Variants in THAP6 observed in about 807,000 individuals in gnomAD.
The protein encoded by THAP6 is THAP domain-containing protein 6.
Under a neutral mutation model 20.0 loss-of-function variants are expected in THAP6, and 13 were observed. The observed-to-expected ratio is 0.65, with a 90% CI of 0.42 to 1.03. The LOEUF is 1.03. Among genes scored for constraint, THAP6 ranks in the 50% least tolerant of loss-of-function variants. The probability of loss-of-function intolerance (pLI) is 0.00; values close to 1 mark genes in which losing one functional copy is unlikely to be tolerated. For missense variants in THAP6, 262 were observed against 261.6 expected (o/e 1.00, Z -0.01); for synonymous variants, 93 against 92.2 (o/e 1.01, Z -0.05).
Position 75,528,011 on chromosome 4 carries a change from A to G in THAP6, c.*797A>G. On this transcript the variant is annotated 3_prime_UTR_variant, in exon 5 of 5. Coordinates refer to ENST00000311638, the MANE Select transcript of THAP6 (RefSeq NM_144721.6). ...ATATGTTTAAAATCTGAATGGCAGTACTAGCTCTATACTTTTAATACTGCT... is the reference window on the plus strand; with the variant it reads ...ATATGTTTAAAATCTGAATGGCAGTGCTAGCTCTATACTTTTAATACTGCT... The G allele has an allele frequency of 1.0e-6, 1 of 985,362 alleles. No individual in the cohort carries two copies. Among genetic ancestry groups the G allele is most frequent in the Non-Finnish European group, 1.2e-6 (1 of 829,840 alleles). 61.0% of individuals were successfully genotyped at this position (985,362 alleles called of 1,614,324 possible). A position where few individuals can be genotyped will look rare whatever the true frequency, so the allele number is the denominator to read the frequency against.
In THAP6 at chr4:75,529,384, T is replaced by A. The variant is rs1457896623; in HGVS notation, c.*2170T>A. 1.0e-6 allele frequency: 1 copy of A among 985,318 alleles called. No homozygotes were observed. The highest frequency in any genetic ancestry group is 1.7e-5 in the African/African-American group (1 of 57,228). 61.0% of individuals were successfully genotyped at this position (985,318 alleles called of 1,614,324 possible). ...TTGCCACAGTCACTTTTACTACTTG[T>A]GTTCATAGTAGACTCAGCACTTCTT... On this transcript the variant is annotated 3_prime_UTR_variant, in exon 5 of 5. Coordinates refer to ENST00000311638, the MANE Select transcript of THAP6 (RefSeq NM_144721.6).
At chr4:75,530,798 C>A (rs145022528), downstream of THAP6, among the ~76,000 whole-genome samples, 6 of 152,304 alleles carry the variant, frequency 3.9e-5, no homozygotes, top group East Asian at 1.2e-3. Flanking sequence ...GATGCCACAT[C>A]ATGCATAGCA....
At chr4:75,539,605 T>C (rs570787114) in intron 2 of THAP6, among the ~76,000 whole-genome samples, 4 of 152,334 alleles carry the variant, frequency 2.6e-5, no homozygotes, top group African/African-American at 9.6e-5. Flanking sequence ...AGCACCTTCC[T>C]GGGATGTGAG....
chr4:75,546,927 G>C (rs994911249), intron 3 of THAP6, among the ~76,000 whole-genome samples: 1 of 152,178 alleles, frequency 6.6e-6, no homozygotes, highest in African/African-American at 2.4e-5. Flanking sequence ...CCAACTATCT[G>C]GGTACTAAAG....
chr4:75,541,217 G>A (rs1266498368), intron 2 of THAP6, among the ~76,000 whole-genome samples: 1 of 152,144 alleles, frequency 6.6e-6, no homozygotes, highest in Non-Finnish European at 1.5e-5. Flanking sequence ...AAAGCATAAA[G>A]TAGAAGGCAA....
At chr4:75,534,818 A>G (rs1726804504), downstream of THAP6, among the ~76,000 whole-genome samples, 1 of 152,260 alleles carries the variant, frequency 6.6e-6, no homozygotes, top group South Asian at 2.1e-4. Context: ...AATGCTCATC[A>G]TCACTGGCCA....
At chr4:75,516,639 C>T in intron 2 of THAP6, 133 bp from the exon 3 acceptor site, 1 of 739,526 alleles carries the variant, frequency 1.4e-6, no homozygotes, top group Non-Finnish European at 2.1e-6. Flanking sequence ...TTATGGTTTC[C>T]TAAATATTAT....
upstream of THAP6, chr4:75,514,379 C>T (rs962525495): frequency 7.2e-7 from 1 of 1,389,006 alleles, no homozygotes; most frequent in African/African-American, 1.4e-5. Flanking sequence ...CCCCTCCCAG[C>T]CCCAGCGGCC....
intron 3 of THAP6, 175 bp downstream of exon 3, chr4:75,517,154 AT>A: frequency 5.7e-6 from 3 of 530,752 alleles, no homozygotes; most frequent in Admixed American, 3.3e-5. Context: ...AGAAGCTGGG[AT>A]TACAGGCACC....
At chr4:75,535,809 G>T (rs1726834119) in intron 2 of THAP6, among the ~76,000 whole-genome samples, 1 of 152,134 alleles carries the variant, frequency 6.6e-6, no homozygotes, top group Non-Finnish European at 1.5e-5. Context: ...ACATGAGCTG[G>T]TATAATACCA....
chr4:75,542,138 C>A (rs1727022867), intron 2 of THAP6, among the ~76,000 whole-genome samples: 1 of 152,142 alleles, frequency 6.6e-6, no homozygotes, highest in South Asian at 2.1e-4. Context: ...GCCAGCCCAA[C>A]TATTTGAGAT....
chr4:75,540,018 A>G, intron 2 of THAP6: 1 of 1,515,434 alleles, frequency 6.6e-7, no homozygotes, highest in East Asian at 2.5e-5. Context: ...GAAGCAGGCA[A>G]GGAACATTGT....
rs546344183 is a variant in THAP6, at chr4:75,527,723, C to T, written c.*509C>T. On this transcript the variant is annotated 3_prime_UTR_variant, in exon 5 of 5. Coordinates refer to ENST00000311638, the MANE Select transcript of THAP6 (RefSeq NM_144721.6). ...TCAGTAGTACCAAAGGATCTTTTTA[C>T]AAGGCTTCCTGTGGTATTGACTCTG... is the stretch of plus-strand genomic sequence containing the variant. 12 of 989,598 alleles carry T rather than the reference C, an allele frequency of 1.2e-5. No individual in the cohort carries two copies. The African/African-American group carries it at 2.1e-4, about 17-fold the overall frequency. 61.3% of individuals were successfully genotyped at this position (989,598 alleles called of 1,614,324 possible).
rs538260477 is a variant in THAP6 at position 75,515,287 on chromosome 4, A to T, written c.-20-146A>T. ...TAAAGAGTCAAGGCCCTGGAAAATGATGTAAGCAAAGCTGCAGGTGTTAGA... is the reference window on the plus strand; with the variant it reads ...TAAAGAGTCAAGGCCCTGGAAAATGTTGTAAGCAAAGCTGCAGGTGTTAGA... On this transcript the variant is annotated intron_variant, in intron 1 of 4. Coordinates refer to ENST00000311638, the MANE Select transcript of THAP6 (RefSeq NM_144721.6). 1.1e-5 allele frequency: 7 copies of T among 651,882 alleles called. No homozygotes were observed. The South Asian group carries it at 1.3e-4, about 12-fold the overall frequency. The allele number at this position is 651,882 out of a possible 1,614,324, so 40.4% of individuals were successfully genotyped here. A position where few individuals can be genotyped will look rare whatever the true frequency, so the allele number is the denominator to read the frequency against.
Position 75,528,727 on chromosome 4 carries a change from A to G in THAP6, c.*1513A>G. The stretch of plus-strand genomic sequence containing the variant: ...ATCACTGAGGCCATATCTTTTTACA[A>G]TCTGAAAAAAAAGTAGTAAAAAGGT... On this transcript the variant is annotated 3_prime_UTR_variant, in exon 5 of 5. Transcript: ENST00000311638. 2.0e-6 allele frequency: 2 copies of G among 978,188 alleles called. No homozygotes were observed. The highest frequency in any genetic ancestry group is 2.4e-6 in the Non-Finnish European group (2 of 825,980). The allele number at this position is 978,188 out of a possible 1,614,324, so 60.6% of individuals were successfully genotyped here. A position where few individuals can be genotyped will look rare whatever the true frequency, so the allele number is the denominator to read the frequency against.
chr4:75,543,064 G>C (rs185847665), intron 3 of THAP6: 1 of 152,624 alleles, frequency 6.6e-6, no homozygotes, highest in East Asian at 1.9e-4. Context: ...AAAGGAGTCT[G>C]TCTAGTCACC....
chr4:75,532,368 G>T (rs1045502357), downstream of THAP6, among the ~76,000 whole-genome samples: 45 of 152,306 alleles, frequency 3.0e-4, no homozygotes, highest in African/African-American at 1.0e-3. Flanking sequence ...ATAGTCTTGG[G>T]CAGCTCCTTC....
chr4:75,518,864 T>C (rs2148808060), intron 3 of THAP6, among the ~76,000 whole-genome samples: 1 of 152,358 alleles, frequency 6.6e-6, no homozygotes, highest in East Asian at 1.9e-4. Flanking sequence ...TGCAGATCTA[T>C]GGATCACATG....
At chr4:75,518,366 G>A (rs956993926) in intron 3 of THAP6, among the ~76,000 whole-genome samples, 6 of 152,196 alleles carry the variant, frequency 3.9e-5, no homozygotes, top group South Asian at 2.1e-4. Flanking sequence ...GTAATTATCC[G>A]TAAATATGCA....
Sources: allele counts gnomAD v4.1 joint callset (sites outside exome capture counted in the v4.1 genomes callset), GRCh38; gene constraint gnomAD v4.1.1; transcripts MANE v1.5; gene names NCBI Gene and HGNC (gene_info 2026-07-23, HGNC 2026-07-21).